Variants in ZNF493 observed in about 807,000 individuals in gnomAD.
The protein encoded by ZNF493 is zinc finger protein 493.
ZNF493 carries 11 observed loss-of-function variants against 12.2 expected under a neutral mutation model. The ratio of observed to expected loss-of-function variants is 0.90; its 90% CI spans 0.57 to 1.50. The LOEUF (loss-of-function observed/expected upper bound fraction) is 1.50. Ranked by LOEUF, ZNF493 falls within the 40% of genes most tolerant of loss-of-function variation. ZNF493 has a pLI of 0.00. For missense variants in ZNF493, 950 were observed against 906.6 expected (o/e 1.05, Z -0.61); for synonymous variants, 286 against 302.6 (o/e 0.95, Z 0.57).
At position 21,425,918 on chromosome 19, in the gene ZNF493, A is replaced by T. The variant is rs1346036708; in HGVS notation, c.*934A>T. ...AACTTTATTGAACAAAATAATTCAT[A>T]CAGGAGAGAAACCCTACAAATGTGA... is the stretch of plus-strand genomic sequence containing the variant. On this transcript the variant is annotated 3_prime_UTR_variant, in exon 4 of 4. Coordinates refer to ENST00000392288, the MANE Select transcript of ZNF493 (RefSeq NM_001076678.3). The T allele has an allele frequency of 1.2e-5, 8 of 649,794 alleles. No individual in the cohort carries two copies. The highest frequency in any genetic ancestry group is 1.6e-5 in the Non-Finnish European group (6 of 364,284). 40.3% of individuals were successfully genotyped at this position (649,794 alleles called of 1,614,324 possible).
Position 21,423,114 on chromosome 19 carries a change from A to G in ZNF493, c.455A>G (p.Lys152Arg). ...LNQYLTTTQS[K>R]IFQCDKYVKV... is the part of the protein sequence containing the mutation. ...CAGTATTTGACAACTACCCAGAGCA[A>G]AATATTTCAATGTGATAAATATGTG... Residue 152 changes from lysine (K) to arginine (R), a missense_variant, in exon 4 of 4, where the codon AAA becomes AGA. By Grantham distance (26) the Lys-to-Arg change is conservative. Transcript: ENST00000392288. The G allele has an allele frequency of 1.2e-6, 2 of 1,613,756 alleles. No homozygotes were observed. The highest frequency in any genetic ancestry group is 1.7e-6 in the Non-Finnish European group (2 of 1,179,810).
chr19:21,405,156 A>C lies in ZNF493; in HGVS notation c.58A>C (p.Ile20Leu). ...GCCGTTGACATTTAGGGATGTGGCCATAGAATTCTCTCTGGAGGAGTGGCA... is the reference window on the plus strand; with the variant it reads ...GCCGTTGACATTTAGGGATGTGGCCCTAGAATTCTCTCTGGAGGAGTGGCA... Reference protein sequence around the residue: ...MGPLTFRDVAIEFSLEEWQCL... With the variant: ...MGPLTFRDVALEFSLEEWQCL... Residue 20 changes from isoleucine (I) to leucine (L), a missense_variant, in exon 2 of 4, where the codon ATA becomes CTA. Coordinates refer to ENST00000392288, the MANE Select transcript of ZNF493 (RefSeq NM_001076678.3). 1 of 1,614,008 alleles carries C rather than the reference A, an allele frequency of 6.2e-7. No individual in the cohort carries two copies. The highest frequency in any genetic ancestry group is 8.5e-7 in the Non-Finnish European group (1 of 1,179,986).
intron 1 of ZNF493, among the ~76,000 whole-genome samples, chr19:21,399,201 C>G (rs1974221256): frequency 6.6e-6 from 1 of 151,952 alleles, no homozygotes; most frequent in Non-Finnish European, 1.5e-5. Context: ...CACTCTGTCG[C>G]CCAGGCTGGA....
intron 3 of ZNF493, among the ~76,000 whole-genome samples, chr19:21,418,326 T>G (rs1423777684): frequency 6.6e-6 from 1 of 152,210 alleles, no homozygotes; most frequent in Non-Finnish European, 1.5e-5. Flanking sequence ...TTCCTCCTCA[T>G]TATCAGTGTG....
chr19:21,405,444 T>G (rs2030090672), intron 2 of ZNF493, 189 bp downstream of exon 2: 2 of 1,407,312 alleles, frequency 1.4e-6, no homozygotes, highest in East Asian at 2.6e-5. Context: ...CCTGATCTTT[T>G]TACATTTCTG....
chr19:21,409,584 A>T (rs2030253566), intron 3 of ZNF493, among the ~76,000 whole-genome samples: 1 of 152,046 alleles, frequency 6.6e-6, no homozygotes, highest in African/African-American at 2.4e-5. Flanking sequence ...TCTTTACAAA[A>T]ATTTTTTAAA....
In ZNF493 at chr19:21,424,161, C is replaced by A. The variant is rs1399730923; in HGVS notation, c.1502C>A (p.Ser501Tyr). 3 of 1,613,120 alleles carry A rather than the reference C, an allele frequency of 1.9e-6. No individual in the cohort carries two copies. The highest frequency in any genetic ancestry group is 3.3e-4 in the Middle Eastern group (2 of 6,056). Residue 501 changes from serine to tyrosine, a missense_variant, in exon 4 of 4, where the codon TCT (serine) becomes TAT (tyrosine). Coordinates refer to ENST00000392288, the MANE Select transcript of ZNF493 (RefSeq NM_001076678.3). ...CEECGKAFNQSSTLSIHKIIH... is the reference protein window; with the variant it reads ...CEECGKAFNQYSTLSIHKIIH... ...GAATGTGGCAAAGCTTTTAACCAAT[C>A]TTCAACCCTTAGTATACATAAAATA...
At chr19:21,400,755 G>A (rs572944146) in intron 1 of ZNF493, among the ~76,000 whole-genome samples, 2 of 152,302 alleles carry the variant, frequency 1.3e-5, no homozygotes, top group African/African-American at 4.8e-5. Context: ...GACAGGGAGG[G>A]TCATACTGAC....
intron 1 of ZNF493, among the ~76,000 whole-genome samples, chr19:21,403,604 C>T (rs1276530439): frequency 6.6e-6 from 1 of 151,798 alleles, no homozygotes; most frequent in Non-Finnish European, 1.5e-5. Context: ...GTAACTTCTC[C>T]AGAGAATGTC....
rs1381272489 is a variant in ZNF493, at chr19:21,408,152, A to C, written c.253+2296A>C. The C allele has an allele frequency of 1.8e-5, 17 of 932,492 alleles. No homozygotes were observed. In the South Asian group the frequency reaches 5.1e-4, roughly 28 times the overall value. The allele number at this position is 932,492 out of a possible 1,614,324, so 57.8% of individuals were successfully genotyped here. On this transcript the variant is annotated intron_variant, in intron 3 of 3. Transcript: ENST00000392288. ...TTTTTTTTTTTTTTTTTGAGACAGGAGTCTCGCTCTGTCGCCTGGCTGGAG... is the reference window on the plus strand; with the variant it reads ...TTTTTTTTTTTTTTTTTGAGACAGGCGTCTCGCTCTGTCGCCTGGCTGGAG...
chr19:21,424,306 A>G lies in ZNF493; in HGVS notation c.1647A>G (p.Glu549=). The change falls in exon 4 of 4, where the codon GAA becomes GAG. Residue 549 remains glutamate (E), a synonymous_variant. Coordinates refer to ENST00000392288, the MANE Select transcript of ZNF493 (RefSeq NM_001076678.3). The stretch of plus-strand genomic sequence containing the variant: ...GAGAAAAACCCTACAAATGTGAAGA[A>G]TGTGGCAAAGCTTTTAATCGGTCCT... ...HTGEKPYKCE[E]CGKAFNRSSH... is the part of the protein sequence containing the mutation. 6.2e-7 allele frequency: 1 copy of G among 1,613,772 alleles called. No individual in the cohort carries two copies. Among genetic ancestry groups the G allele is most frequent in the South Asian group, 1.1e-5 (1 of 91,068 alleles).
At chr19:21,408,439 T>C in intron 3 of ZNF493, 1 of 984,950 alleles carries the variant, frequency 1.0e-6, no homozygotes, top group Non-Finnish European at 1.2e-6. Context: ...ACTTGTTTCT[T>C]TTAAATGCTT....
In ZNF493 at chr19:21,399,965, A is replaced by G. The variant is rs781385433; in HGVS notation, c.30+2698A>G. Among the ~76,000 whole-genome samples the G allele has an allele frequency of 5.3e-5, 8 of 152,298 alleles. No homozygotes were observed. In the South Asian group the frequency reaches 6.2e-4, roughly 12 times the overall value. On this transcript the variant is annotated intron_variant, in intron 1 of 3. Transcript: ENST00000392288. ...CCTGTTATCTTGATTTGTGAGTTTC[A>G]TGCTAAATATTATGAGATGAAACTT...
At chr19:21,407,926 TC>T (rs1158802126) in intron 3 of ZNF493, 1 of 985,170 alleles carries the variant, frequency 1.0e-6, no homozygotes, top group Non-Finnish European at 1.2e-6. Flanking sequence ...GGCAAACAAC[TC>T]CTTAAGTTTT....
chr19:21,408,657 T>TGTTTTCAGTGTA, intron 3 of ZNF493: 1 of 985,216 alleles, frequency 1.0e-6, no homozygotes, highest in Non-Finnish European at 1.2e-6. Flanking sequence ...TTCATATTAG[T>TGTTTTCAGTGTA]GGTGTTTTCA....
At chr19:21,399,510 G>A (rs573487699) in intron 1 of ZNF493, among the ~76,000 whole-genome samples, 24 of 152,270 alleles carry the variant, frequency 1.6e-4, no homozygotes, top group Non-Finnish European at 2.4e-4. Flanking sequence ...TCACCTTGAA[G>A]AGATTTGTTC....
intron 3 of ZNF493, among the ~76,000 whole-genome samples, chr19:21,409,206 C>A (rs2030242345): frequency 6.6e-6 from 1 of 151,868 alleles, no homozygotes; most frequent in South Asian, 2.1e-4. Flanking sequence ...TCTTTCTTAG[C>A]TGGTTTTCAG....
At chr19:21,399,954 T>C (rs1476785115) in intron 1 of ZNF493, among the ~76,000 whole-genome samples, 1 of 152,188 alleles carries the variant, frequency 6.6e-6, no homozygotes, top group African/African-American at 2.4e-5. Context: ...TTATCTTGAT[T>C]TGTGAGTTTC....
At chr19:21,406,736 GTTTT>G (rs557257664) in intron 3 of ZNF493, among the ~76,000 whole-genome samples, 1 of 147,942 alleles carries the variant, frequency 6.8e-6, no homozygotes, top group Admixed American at 6.8e-5. Flanking sequence ...CCTCTGCTTT[GTTTT>G]TTTTTCTCAT....
Sources: gnomAD v4.1 joint callset for allele counts (sites outside exome capture counted in the v4.1 genomes callset) on GRCh38, gnomAD v4.1.1 for gene constraint, MANE v1.5 for transcripts, NCBI Gene and HGNC (gene_info 2026-07-23, HGNC 2026-07-21) for gene names.